The following NEMF variants were observed in gnomAD, a reference collection of about 807,000 sequenced individuals.
NEMF encodes the protein ribosome quality control complex subunit NEMF.
In NEMF, 89 loss-of-function variants were observed where a neutral mutation model predicts 162.2. The observed-to-expected ratio is 0.55, with a 90% CI of 0.46 to 0.65. NEMF has a LOEUF of 0.65. Among genes scored for constraint, NEMF ranks in the 30% least tolerant of loss-of-function variants. The pLI, the probability that NEMF is intolerant of heterozygous loss-of-function variation, is 0.00. For synonymous variants in NEMF, 421 were observed against 404.5 expected (o/e 1.04, Z -0.49); for missense variants, 1,133 against 1,261.9 (o/e 0.90, Z 1.55).
intron 16 of NEMF, among the ~76,000 whole-genome samples, chr14:49,822,053 G>A (rs1221256346): frequency 1.3e-5 from 2 of 151,950 alleles, no homozygotes; most frequent in Non-Finnish European, 2.9e-5. Context: ...GTCCACTCAG[G>A]GTTAAATGGA....
At chr14:49,848,073 G>C (rs181799889) in intron 3 of NEMF, among the ~76,000 whole-genome samples, 3 of 149,130 alleles carry the variant, frequency 2.0e-5, no homozygotes, top group African/African-American at 7.4e-5. Context: ...TCTCTCTGTT[G>C]CCCAGGCAAG....
chr14:49,807,689 T>C (rs1891286660), intron 18 of NEMF, among the ~76,000 whole-genome samples: 1 of 148,226 alleles, frequency 6.7e-6, no homozygotes, highest in Non-Finnish European at 1.5e-5. Flanking sequence ...CTCCACCACC[T>C]GGGAAGTGAT....
chr14:49,789,095 G>A, intron 28 of NEMF, 51 bp downstream of exon 28: 1 of 1,470,662 alleles, frequency 6.8e-7, no homozygotes, highest in Non-Finnish European at 9.5e-7. Context: ...GGGAACTCCA[G>A]GATGGGTAAT....
At chr14:49,789,607 C>A in intron 26 of NEMF, 34 bp from the exon 27 acceptor site, 1 of 1,588,306 alleles carries the variant, frequency 6.3e-7, no homozygotes, top group Non-Finnish European at 8.5e-7. Context: ...TGGAAATATT[C>A]AGCAGCAAAA....
In NEMF at chr14:49,831,376, A is replaced by G; in HGVS notation, c.883-15T>C. ...TCATCCACCGCCTTATTAAAAAAAC[A>G]AACAACTAGTTGGAAAAAAAAGCAC... On this transcript the variant is annotated splice_polypyrimidine_tract_variant and intron_variant, in intron 10 of 32. Coordinates refer to ENST00000298310, the MANE Select transcript of NEMF (RefSeq NM_004713.6). The G allele has an allele frequency of 1.3e-6, 2 of 1,541,620 alleles. No individual in the cohort carries two copies. Among genetic ancestry groups the G allele is most frequent in the East Asian group, 2.2e-5 (1 of 44,536 alleles).
chr14:49,790,570 G>C (rs1890392333), intron 26 of NEMF, among the ~76,000 whole-genome samples: 1 of 152,176 alleles, frequency 6.6e-6, no homozygotes, highest in African/African-American at 2.4e-5. Flanking sequence ...TGCCTGGTGG[G>C]AAATTGATAC....
chr14:49,834,648 A>G (rs988795638), intron 6 of NEMF, among the ~76,000 whole-genome samples, 199 bp from the exon 7 acceptor site: 2 of 152,078 alleles, frequency 1.3e-5, no homozygotes, highest in East Asian at 3.9e-4. Flanking sequence ...ATGCCCAGCT[A>G]ATTTTTGTAT....
At chr14:49,827,882 G>C (rs959726359) in intron 15 of NEMF, among the ~76,000 whole-genome samples, 2 of 151,984 alleles carry the variant, frequency 1.3e-5, no homozygotes, top group Admixed American at 6.6e-5. Context: ...AGGAGGAGGA[G>C]AGAGATCCAA....
At chr14:49,813,879 C>T in intron 18 of NEMF, 109 bp downstream of exon 18, 1 of 676,028 alleles carries the variant, frequency 1.5e-6, no homozygotes, top group Non-Finnish European at 2.7e-6. Flanking sequence ...GCTGGGATTA[C>T]AGGCATGAGC....
At position 49,828,722 on chromosome 14, in the gene NEMF, C is replaced by G. The variant is rs762812340; in HGVS notation, c.1318G>C (p.Gly440Arg). 3.1e-6 allele frequency: 5 copies of G among 1,601,100 alleles called. No individual in the cohort carries two copies. The highest frequency in any genetic ancestry group is 4.3e-6 in the Non-Finnish European group (5 of 1,174,306). ...TTATTCTTTTGTTTTTTCTTTTTTC[C>G]TTTTGGTGGTTCAGTTTCATTTTTC... ...VEKNETEPPK[G>R]KKKKQKNKQL... The change falls in exon 14 of 33, where the codon GGA becomes CGA. Residue 440 changes from glycine to arginine, a missense_variant. Gly to Arg is a moderately radical substitution (Grantham distance 125, BLOSUM62 -2). Transcript: ENST00000298310.
intron 3 of NEMF, among the ~76,000 whole-genome samples, chr14:49,851,049 G>C (rs943343024): frequency 3.6e-4 from 55 of 151,994 alleles, no homozygotes; most frequent in African/African-American, 1.3e-3. Context: ...ACTAAAAATA[G>C]AGAAATTAGC....
chr14:49,800,822 C>T (rs1490283514), intron 22 of NEMF, 126 bp from the exon 23 acceptor site: 1 of 848,144 alleles, frequency 1.2e-6, no homozygotes, highest in African/African-American at 1.7e-5. Flanking sequence ...AGAAAAGTGT[C>T]TGATCATTCC....
At position 49,828,599 on chromosome 14, in the gene NEMF, A is replaced by G; in HGVS notation, c.1424+17T>C. The G allele has an allele frequency of 2.0e-6, 3 of 1,520,840 alleles. No homozygotes were observed. 94.2% of individuals were successfully genotyped at this position (1,520,840 alleles called of 1,614,324 possible). ...GCAGATAACACTTGGCCTAAAATGTAAAGTTAAATGACTTACTTTTTGGCA... is the reference window on the plus strand; with the variant it reads ...GCAGATAACACTTGGCCTAAAATGTGAAGTTAAATGACTTACTTTTTGGCA... On this transcript the variant is annotated intron_variant, in intron 14 of 32. Transcript: ENST00000298310.
intron 8 of NEMF, among the ~76,000 whole-genome samples, chr14:49,833,034 G>A (rs897808788): frequency 8.5e-5 from 13 of 152,204 alleles, no homozygotes; most frequent in Non-Finnish European, 1.5e-4. Flanking sequence ...GGGAGGCCAA[G>A]GCAGGCGGAT....
At chr14:49,798,342 A>G (rs1055163717) in intron 25 of NEMF, among the ~76,000 whole-genome samples, 2 of 152,238 alleles carry the variant, frequency 1.3e-5, no homozygotes, top group African/African-American at 4.8e-5. Flanking sequence ...CACTACCACT[A>G]CAACTGCCAT....
At position 49,825,945 on chromosome 14, in the gene NEMF, G is replaced by T; in HGVS notation, c.1499C>A (p.Ser500Ter). 1 of 1,603,980 alleles carries T rather than the reference G, an allele frequency of 6.2e-7. No individual in the cohort carries two copies. Among genetic ancestry groups the T allele is most frequent in the South Asian group, 1.1e-5 (1 of 90,378 alleles). The change falls in exon 16 of 33, where the codon TCA (serine) becomes TAA (stop). Residue 500 changes from serine to a stop codon, truncating the protein, a stop_gained. Transcript: ENST00000298310. LOFTEE classifies it high-confidence loss of function. ...TGTTTGCTTTGTTTTCTTTTCTGCT[G>T]ACTTGAATGCCTATTTATAGAAAAG... is the stretch of plus-strand genomic sequence containing the variant. ...TVEAAEKAFK[S>*]AEKKTKQTLK...
intron 16 of NEMF, among the ~76,000 whole-genome samples, chr14:49,821,647 C>T (rs1892058034): frequency 8.3e-6 from 1 of 119,918 alleles, no homozygotes; most frequent in African/African-American, 3.2e-5. Context: ...GGGGGCTCAG[C>T]CCCCCGCCCG....
intron 26 of NEMF, among the ~76,000 whole-genome samples, chr14:49,791,462 G>A (rs1434117358): frequency 6.6e-6 from 1 of 151,708 alleles, no homozygotes; most frequent in Non-Finnish European, 1.5e-5. Context: ...ACTGAGGCCA[G>A]GCATGGTGGC....
At chr14:49,790,021 C>T (rs1439710654) in intron 26 of NEMF, among the ~76,000 whole-genome samples, 1 of 152,142 alleles carries the variant, frequency 6.6e-6, no homozygotes, top group Non-Finnish European at 1.5e-5. Context: ...TGATTCTTTA[C>T]CCTGATTACA....
Sources: gnomAD v4.1 joint callset for allele counts (sites outside exome capture counted in the v4.1 genomes callset) on GRCh38, gnomAD v4.1.1 for gene constraint, MANE v1.5 for transcripts, NCBI Gene and HGNC (gene_info 2026-07-23, HGNC 2026-07-21) for gene names.